The following RBL1 variants were observed in gnomAD, a reference collection of about 807,000 sequenced individuals.
RBL1 encodes the protein RB transcriptional corepressor like 1, also known as retinoblastoma-like protein 1.
Under a neutral mutation model 123.0 loss-of-function variants are expected in RBL1, and 82 were observed. The ratio of observed to expected loss-of-function variants is 0.67; its 90% CI spans 0.56 to 0.80. RBL1 has a LOEUF of 0.80. Ranked by LOEUF, RBL1 falls within the 30% of genes least tolerant of loss-of-function variation. The pLI is 0.00. For synonymous variants in RBL1, 405 were observed against 441.3 expected (o/e 0.92, Z 1.03); for missense variants, 1,171 against 1,299.6 (o/e 0.90, Z 1.52).
chr20:37,052,762 A>G (rs1319990151), intron 11 of RBL1, among the ~76,000 whole-genome samples: 1 of 152,154 alleles, frequency 6.6e-6, no homozygotes, highest in Non-Finnish European at 1.5e-5. Context: ...CACTTGCCTC[A>G]GTCTCCTAAA....
intron 2 of RBL1, among the ~76,000 whole-genome samples, chr20:37,080,250 G>A (rs1305561090): frequency 6.6e-6 from 1 of 151,592 alleles, no homozygotes; most frequent in South Asian, 2.1e-4. Flanking sequence ...TCTGTCCACT[G>A]GGTTCAAGCA....
At chr20:37,039,539 C>G (rs2064686314) in intron 14 of RBL1, among the ~76,000 whole-genome samples, 1 of 152,170 alleles carries the variant, frequency 6.6e-6, no homozygotes, top group Non-Finnish European at 1.5e-5. Flanking sequence ...TTCCCCTGCA[C>G]AAGCTCTCTT....
chr20:37,083,193 C>A (rs193104258), intron 2 of RBL1, among the ~76,000 whole-genome samples: 86 of 151,688 alleles, frequency 5.7e-4, no homozygotes, highest in Admixed American at 9.2e-4. Context: ...GAAGGCTGGG[C>A]GCGGTGGCTC....
chr20:37,015,063 C>CAAAAAA (rs1185151735), intron 19 of RBL1, among the ~76,000 whole-genome samples: 1 of 70,312 alleles, frequency 1.4e-5, no homozygotes, highest in African/African-American at 4.7e-5. Flanking sequence ...GACTGTATCT[C>CAAAAAA]AAAAAAAAAA....
intron 18 of RBL1, 38 bp downstream of exon 18, chr20:37,020,621 A>G (rs1260651672): frequency 7.4e-7 from 1 of 1,352,334 alleles, no homozygotes; most frequent in African/African-American, 1.5e-5. Context: ...AAAAGAGTAA[A>G]TCTATTTTTG....
chr20:37,000,642 G>GCA, intron 21 of RBL1, among the ~76,000 whole-genome samples: 1 of 127,616 alleles, frequency 7.8e-6, no homozygotes, highest in African/African-American at 3.1e-5. Context: ...GGGAGGTGAG[G>GCA]GGCGCCTCTG....
intron 10 of RBL1, 50 bp downstream of exon 10, chr20:37,056,096 G>C: frequency 6.4e-7 from 1 of 1,553,948 alleles, no homozygotes; most frequent in Non-Finnish European, 8.6e-7. Flanking sequence ...CTAATTTTGG[G>C]GGGATTACTT....
rs1568802437 is a variant in RBL1, at chr20:36,996,815, A to G, written c.*1944T>C. The G allele has an allele frequency of 6.6e-6, 1 of 152,240 alleles. No individual in the cohort carries two copies. Among genetic ancestry groups the G allele is most frequent in the Non-Finnish European group, 1.5e-5 (1 of 68,042 alleles). The allele number at this position is 152,240 out of a possible 1,614,324, so 9.4% of individuals were successfully genotyped here. A position where few individuals can be genotyped will look rare whatever the true frequency, so the allele number is the denominator to read the frequency against. On this transcript the variant is annotated 3_prime_UTR_variant, in exon 22 of 22. Transcript: ENST00000373664. Reference sequence around the variant, plus strand: ...TAATGAAGATAAAAATAACAATTATAGCAACATACAAATATGTACAAAGAT... The same window carrying G: ...TAATGAAGATAAAAATAACAATTATGGCAACATACAAATATGTACAAAGAT...
At chr20:37,035,126 A>G in intron 15 of RBL1, 116 bp downstream of exon 15, 1 of 1,067,610 alleles carries the variant, frequency 9.4e-7, no homozygotes, top group Non-Finnish European at 1.3e-6. Flanking sequence ...TAAAAAAAAA[A>G]AGTATAGGTT....
chr20:37,047,510 A>T (rs2146271729), intron 11 of RBL1, among the ~76,000 whole-genome samples: 1 of 152,346 alleles, frequency 6.6e-6, no homozygotes, highest in East Asian at 1.9e-4. Flanking sequence ...TGTTTTGTCA[A>T]CATAAGGGTT....
At chr20:37,067,454 C>T (rs2065196810) in intron 3 of RBL1, among the ~76,000 whole-genome samples, 157 bp from the exon 4 acceptor site, 1 of 151,918 alleles carries the variant, frequency 6.6e-6, no homozygotes, top group Non-Finnish European at 1.5e-5. Context: ...TTAAGTAAGC[C>T]TTTCCAACCT....
intron 15 of RBL1, among the ~76,000 whole-genome samples, chr20:37,033,482 T>C (rs1398373911): frequency 3.3e-5 from 5 of 151,040 alleles, no homozygotes; most frequent in Admixed American, 6.6e-5. Context: ...TGTGCCCGGC[T>C]TGTATTTTTT....
At chr20:37,007,066 G>T (rs1232215391) in intron 20 of RBL1, among the ~76,000 whole-genome samples, 1 of 151,988 alleles carries the variant, frequency 6.6e-6, no homozygotes, top group East Asian at 1.9e-4. Context: ...GGCCAACATG[G>T]TGAAACCCCG....
At chr20:37,085,374 G>A (rs1314999862) in intron 2 of RBL1, among the ~76,000 whole-genome samples, 1 of 151,820 alleles carries the variant, frequency 6.6e-6, no homozygotes, top group Admixed American at 6.6e-5. Context: ...GACCTCAGGT[G>A]ATCCACCCGC....
intron 2 of RBL1, chr20:37,081,777 T>C: frequency 3.0e-6 from 1 of 331,546 alleles, no homozygotes; most frequent in Non-Finnish European, 6.0e-6. Context: ...GATTGTGTCC[T>C]TAGAAGCAGA....
At chr20:37,043,938 T>C in intron 13 of RBL1, 148 bp downstream of exon 13, 1 of 539,080 alleles carries the variant, frequency 1.9e-6, no homozygotes, top group Non-Finnish European at 3.0e-6. Context: ...ATTGTGGTTA[T>C]GGCTGCACAT....
Position 37,047,014 on chromosome 20 carries a change from CTGTTTTCATCTCATAACAGAACTT to C in RBL1, c.1605+15_1605+38del. On this transcript the variant is annotated intron_variant, in intron 12 of 21. Coordinates refer to ENST00000373664, the MANE Select transcript of RBL1 (RefSeq NM_002895.5). The stretch of plus-strand genomic sequence containing the variant: ...AAATACAATGTTTCTGTGAGAAACA[CTGTTTTCATCTCATAACAGAACTT>C]TGTTTTCATCTCACCTTATAAAAGT... 1 of 1,543,624 alleles carries C rather than the reference CTGTTTTCATCTCATAACAGAACTT, an allele frequency of 6.5e-7. No homozygotes were observed. The highest frequency in any genetic ancestry group is 8.7e-7 in the Non-Finnish European group (1 of 1,155,250).
intron 11 of RBL1, among the ~76,000 whole-genome samples, chr20:37,054,576 T>C (rs1398266051): frequency 6.6e-6 from 1 of 152,022 alleles, no homozygotes. Context: ...ATGGCTGTAA[T>C]CCTAGCACTT....
intron 15 of RBL1, among the ~76,000 whole-genome samples, chr20:37,034,073 G>C (rs1021557388): frequency 1.3e-5 from 2 of 151,836 alleles, no homozygotes; most frequent in African/African-American, 4.8e-5. Flanking sequence ...TAAGTAGCTG[G>C]GACCATAGGC....
Sources: allele counts gnomAD v4.1 joint callset (sites outside exome capture counted in the v4.1 genomes callset), GRCh38; gene constraint gnomAD v4.1.1; transcripts MANE v1.5; gene names NCBI Gene and HGNC (gene_info 2026-07-23, HGNC 2026-07-21).